Variants in VCAN observed in about 807,000 individuals in gnomAD.
The protein encoded by VCAN is versican core protein.
Under a neutral mutation model 245.5 loss-of-function variants are expected in VCAN, and 44 were observed. The ratio of observed to expected loss-of-function variants is 0.18; its 90% CI spans 0.14 to 0.23. VCAN has a LOEUF of 0.23. Ranked by LOEUF, VCAN falls within the 10% of genes least tolerant of loss-of-function variation. The pLI is 1.00. For missense variants in VCAN, 3,793 were observed against 4,057.9 expected (o/e 0.93, Z 1.77); for synonymous variants, 1,413 against 1,437.0 (o/e 0.98, Z 0.38).
chr5:83,567,149 A>AT (rs1748111825), intron 12 of VCAN, among the ~76,000 whole-genome samples: 1 of 152,104 alleles, frequency 6.6e-6, no homozygotes, highest in African/African-American at 2.4e-5. Context: ...AGAACTAGTT[A>AT]TTTAATTGGA....
chr5:83,487,258 T>G (rs1744824448), intron 2 of VCAN, among the ~76,000 whole-genome samples: 1 of 152,210 alleles, frequency 6.6e-6, no homozygotes, highest in Non-Finnish European at 1.5e-5. Context: ...GGTCTGTGTG[T>G]GTGTGTTTGC....
chr5:83,537,206 T>C lies in VCAN; in HGVS notation c.4203T>C (p.Asp1401=), dbSNP rs1311479364. ...EEEEECANAT[D]VTTTPSVQYI... ...AAGAAGAGTGTGCAAATGCTACTGA[T>C]GTGACAACCACCCCATCTGTGCAGT... Residue 1401 remains aspartate (D), a synonymous_variant, in exon 8 of 15, where the codon GAT becomes GAC. Transcript: ENST00000265077. 5 of 1,613,638 alleles carry C rather than the reference T, an allele frequency of 3.1e-6. No homozygotes were observed. The Middle Eastern group carries it at 4.9e-4, about 159-fold the overall frequency.
At chr5:83,542,316 C>T (rs972037576) in intron 8 of VCAN, 48 bp downstream of exon 8, 1 of 1,566,538 alleles carries the variant, frequency 6.4e-7, no homozygotes, top group Admixed American at 1.7e-5. Flanking sequence ...GGAAACAGTC[C>T]CTTGGTGCTA....
chr5:83,471,911 A>C lies in VCAN; in HGVS notation c.-119A>C, dbSNP rs557823406. ...TCCAGCACCGTCCCGCACCCTCCGCATCCTTCCCCGGGCCACCACGCTTCC... is the reference window on the plus strand; with the variant it reads ...TCCAGCACCGTCCCGCACCCTCCGCCTCCTTCCCCGGGCCACCACGCTTCC... On this transcript the variant is annotated 5_prime_UTR_variant, in exon 1 of 15. Transcript: ENST00000265077. 175 of 393,682 alleles carry C rather than the reference A, an allele frequency of 4.4e-4. No homozygotes were observed. Among genetic ancestry groups the C allele is most frequent in the South Asian group, 1.6e-3 (11 of 7,058 alleles). 24.4% of individuals were successfully genotyped at this position (393,682 alleles called of 1,614,324 possible). A position where few individuals can be genotyped will look rare whatever the true frequency, so the allele number is the denominator to read the frequency against.
intron 7 of VCAN, among the ~76,000 whole-genome samples, chr5:83,523,345 G>T (rs2112415494): frequency 6.6e-6 from 1 of 151,342 alleles, no homozygotes; most frequent in East Asian, 1.9e-4. Context: ...TTTCATATAA[G>T]AATTAAATGA....
intron 5 of VCAN, among the ~76,000 whole-genome samples, chr5:83,499,484 A>G (rs146436383): frequency 6.6e-6 from 1 of 152,274 alleles, no homozygotes; most frequent in Non-Finnish European, 1.5e-5. Flanking sequence ...CCATTTATCT[A>G]TAACACTTGA....
chr5:83,577,901 A>T (rs189399777), intron 13 of VCAN, among the ~76,000 whole-genome samples: 4 of 152,308 alleles, frequency 2.6e-5, no homozygotes, highest in Non-Finnish European at 4.4e-5. Context: ...GAATTATTAT[A>T]GCTTTTTAAT....
At chr5:83,527,652 AATAC>A in intron 7 of VCAN, among the ~76,000 whole-genome samples, 1 of 152,322 alleles carries the variant, frequency 6.6e-6, no homozygotes, top group Non-Finnish European at 1.5e-5. Context: ...TTGTATACGT[AATAC>A]ATAGATGCAC....
chr5:83,495,815 G>A lies in VCAN; in HGVS notation c.748+1884G>A, dbSNP rs144272636. 3.6e-3 allele frequency among the ~76,000 whole-genome samples: 553 copies of A among 152,186 alleles called. 1 individual carries two copies. Among genetic ancestry groups the A allele is most frequent in the Non-Finnish European group, 5.6e-3 (379 of 67,998 alleles). ...AATATTATTTAAATGGTGGGCTTTCGTGATTCAAATATGAATAAGCATCCC... is the reference window on the plus strand; with the variant it reads ...AATATTATTTAAATGGTGGGCTTTCATGATTCAAATATGAATAAGCATCCC... On this transcript the variant is annotated intron_variant, in intron 5 of 14. Transcript: ENST00000265077.
chr5:83,567,814 AATG>A (rs1409226257), intron 12 of VCAN, among the ~76,000 whole-genome samples: 1 of 152,198 alleles, frequency 6.6e-6, no homozygotes, highest in Non-Finnish European at 1.5e-5. Flanking sequence ...AAGGGGTTAA[AATG>A]AATTTCCCCA....
intron 7 of VCAN, among the ~76,000 whole-genome samples, chr5:83,524,233 C>T (rs1017527085): frequency 6.6e-6 from 1 of 152,008 alleles, no homozygotes; most frequent in Non-Finnish European, 1.5e-5. Flanking sequence ...TAAGCTAAAC[C>T]TGAAACAATT....
At chr5:83,507,730 A>T (rs1428212404) in intron 5 of VCAN, among the ~76,000 whole-genome samples, 2 of 152,212 alleles carry the variant, frequency 1.3e-5, no homozygotes, top group Non-Finnish European at 2.9e-5. Context: ...CAATTCTATT[A>T]CTGGCCCAGA....
intron 7 of VCAN, among the ~76,000 whole-genome samples, chr5:83,528,992 A>ACACACG (rs1746411829): frequency 7.3e-6 from 1 of 137,260 alleles, no homozygotes; most frequent in East Asian, 2.7e-4. Flanking sequence ...ACAAAGATAC[A>ACACACG]CACACACACA....
At chr5:83,532,434 A>T (rs1746558205) in intron 7 of VCAN, among the ~76,000 whole-genome samples, 3 of 152,082 alleles carry the variant, frequency 2.0e-5, no homozygotes, top group Non-Finnish European at 4.4e-5. Context: ...CTGCTATGAG[A>T]TGTTAAAAGT....
At chr5:83,504,089 A>C (rs1278910612) in intron 5 of VCAN, among the ~76,000 whole-genome samples, 1 of 152,176 alleles carries the variant, frequency 6.6e-6, no homozygotes, top group Non-Finnish European at 1.5e-5. Flanking sequence ...ATCAAATTAG[A>C]GTATTTTTTC....
chr5:83,564,047 A>C (rs1381576359), intron 12 of VCAN, among the ~76,000 whole-genome samples: 2 of 152,188 alleles, frequency 1.3e-5, no homozygotes, highest in East Asian at 3.9e-4. Flanking sequence ...CAGATTATGG[A>C]TAGAATGGCT....
At chr5:83,579,657 G>T (rs934714557) in intron 13 of VCAN, among the ~76,000 whole-genome samples, 3 of 152,178 alleles carry the variant, frequency 2.0e-5, no homozygotes, top group African/African-American at 7.2e-5. Context: ...CTTAGGGACG[G>T]TGATGAAGAC....
At chr5:83,498,497 C>T (rs1745230526) in intron 5 of VCAN, among the ~76,000 whole-genome samples, 1 of 152,188 alleles carries the variant, frequency 6.6e-6, no homozygotes, top group Non-Finnish European at 1.5e-5. Context: ...TAGTTTCACA[C>T]TTCTCCAGGA....
chr5:83,563,411 G>A (rs1393882020), intron 12 of VCAN, among the ~76,000 whole-genome samples: 1 of 152,034 alleles, frequency 6.6e-6, no homozygotes, highest in Non-Finnish European at 1.5e-5. Context: ...AGCCATCTAG[G>A]GATAAAAAAG....
Sources: allele counts gnomAD v4.1 joint callset (sites outside exome capture counted in the v4.1 genomes callset), GRCh38; gene constraint gnomAD v4.1.1; transcripts MANE v1.5; gene names NCBI Gene and HGNC (gene_info 2026-07-23, HGNC 2026-07-21).